Variants in RPS6KA5 observed in about 807,000 individuals in gnomAD.
RPS6KA5 encodes the protein ribosomal protein S6 kinase A5.
In RPS6KA5, 27 loss-of-function variants were observed where a neutral mutation model predicts 85.5. That is an observed-to-expected ratio of 0.32 (90% CI 0.23 to 0.44). RPS6KA5 has a LOEUF of 0.44. RPS6KA5 is among the 20% of genes least tolerant of loss of function. The probability of loss-of-function intolerance (pLI) is 1.00; values close to 1 mark genes in which losing one functional copy is unlikely to be tolerated. For synonymous variants in RPS6KA5, 334 were observed against 348.2 expected (o/e 0.96, Z 0.46); for missense variants, 811 against 980.9 (o/e 0.83, Z 2.31).
intron 4 of RPS6KA5, among the ~76,000 whole-genome samples, chr14:90,944,149 A>G (rs1475032437): frequency 6.6e-6 from 1 of 152,232 alleles, no homozygotes; most frequent in East Asian, 1.9e-4. Context: ...TATAACAAAT[A>G]ATCTATCCAA....
chr14:91,033,294 T>C (rs1461954301), intron 1 of RPS6KA5, among the ~76,000 whole-genome samples: 2 of 152,172 alleles, frequency 1.3e-5, no homozygotes, highest in African/African-American at 2.4e-5. Context: ...CCTATCAGAT[T>C]GGAAAAGATT....
intron 2 of RPS6KA5, among the ~76,000 whole-genome samples, chr14:90,998,278 AACTG>A (rs2040622057): frequency 1.3e-5 from 2 of 152,184 alleles, no homozygotes; most frequent in Admixed American, 1.3e-4. Context: ...AATGTTATAA[AACTG>A]ACTGTTATAA....
rs1386011471 is a variant in RPS6KA5 at position 90,859,017 on chromosome 14, G to GA, written c.*13056dup. ...TCAAGAAATCCAGCAAAAAGCAGCA[G>GA]ATGAGAGGCTAACGAGCTGAGCAGC... On this transcript the variant is annotated 3_prime_UTR_variant, in exon 17 of 17. Coordinates refer to ENST00000614987, the MANE Select transcript of RPS6KA5 (RefSeq NM_004755.4). 1.3e-5 allele frequency: 2 copies of GA among 152,266 alleles called. No homozygotes were observed. The highest frequency in any genetic ancestry group is 2.9e-5 in the Non-Finnish European group (2 of 68,104). 9.4% of individuals were successfully genotyped at this position (152,266 alleles called of 1,614,324 possible).
chr14:90,991,994 T>C (rs1472145977), intron 2 of RPS6KA5, among the ~76,000 whole-genome samples: 2 of 152,144 alleles, frequency 1.3e-5, no homozygotes, highest in Non-Finnish European at 2.9e-5. Flanking sequence ...TATATAGAAA[T>C]TAATTCATCA....
chr14:90,868,573 T>C lies in RPS6KA5; in HGVS notation c.*3501A>G, dbSNP rs2032907627. ...TCACATGAACACTCAAATCATGCTA[T>C]TATTATCAGTCACTGGGAGAACAGC... On this transcript the variant is annotated 3_prime_UTR_variant, in exon 17 of 17. Transcript: ENST00000614987. 1 of 152,196 alleles carries C rather than the reference T, an allele frequency of 6.6e-6. No homozygotes were observed. The highest frequency in any genetic ancestry group is 6.5e-5 in the Admixed American group (1 of 15,270). 9.4% of individuals were successfully genotyped at this position (152,196 alleles called of 1,614,324 possible). A position where few individuals can be genotyped will look rare whatever the true frequency, so the allele number is the denominator to read the frequency against.
intron 1 of RPS6KA5, among the ~76,000 whole-genome samples, chr14:91,050,389 A>G (rs1217966068): frequency 3.3e-5 from 5 of 152,034 alleles, no homozygotes; most frequent in Non-Finnish European, 7.4e-5. Flanking sequence ...AAAAATAACA[A>G]AAACAAAAAC....
chr14:91,008,027 T>C (rs1206718308), intron 1 of RPS6KA5, among the ~76,000 whole-genome samples: 2 of 152,238 alleles, frequency 1.3e-5, no homozygotes, highest in Non-Finnish European at 2.9e-5. Context: ...CTATTGTAAG[T>C]ATAATTTGTA....
chr14:90,849,357 G>A lies in RPS6KA5; in HGVS notation c.*22717C>T, dbSNP rs2031873958. On this transcript the variant is annotated 3_prime_UTR_variant, in exon 17 of 17. Coordinates refer to ENST00000614987, the MANE Select transcript of RPS6KA5 (RefSeq NM_004755.4). ...GACAAAAGTTTTTTAAGAGGGCACG[G>A]ACTCCGGATCTTTTATCTTATGAAT... 4 of 152,238 alleles carry A rather than the reference G, an allele frequency of 2.6e-5. No individual in the cohort carries two copies. The highest frequency in any genetic ancestry group is 2.6e-4 in the Admixed American group (4 of 15,288). 9.4% of individuals were successfully genotyped at this position (152,238 alleles called of 1,614,324 possible). A position where few individuals can be genotyped will look rare whatever the true frequency, so the allele number is the denominator to read the frequency against.
intron 2 of RPS6KA5, among the ~76,000 whole-genome samples, chr14:90,985,033 T>C (rs1187054540): frequency 6.6e-6 from 1 of 152,102 alleles, no homozygotes; most frequent in Non-Finnish European, 1.5e-5. Flanking sequence ...CTCCACCTTC[T>C]GGGTTCAAGC....
intron 1 of RPS6KA5, among the ~76,000 whole-genome samples, chr14:91,031,192 T>A (rs181805515): frequency 6.6e-6 from 1 of 152,156 alleles, no homozygotes; most frequent in Non-Finnish European, 1.5e-5. Flanking sequence ...ATCAGCATCA[T>A]TAGAAGCTAG....
At chr14:90,969,897 T>C (rs1363716319) in intron 3 of RPS6KA5, among the ~76,000 whole-genome samples, 1 of 152,146 alleles carries the variant, frequency 6.6e-6, no homozygotes, top group Non-Finnish European at 1.5e-5. Context: ...GTCTTCTTTT[T>C]ATTTTTTTTC....
chr14:90,941,110 G>A (rs937928124), intron 5 of RPS6KA5, among the ~76,000 whole-genome samples: 2 of 152,036 alleles, frequency 1.3e-5, no homozygotes, highest in Non-Finnish European at 2.9e-5. Context: ...TACAAACCAA[G>A]GACCCCTTTG....
intron 1 of RPS6KA5, among the ~76,000 whole-genome samples, chr14:91,037,038 G>C (rs1330177662): frequency 1.3e-5 from 2 of 152,206 alleles, no homozygotes; most frequent in Non-Finnish European, 2.9e-5. Flanking sequence ...ACAGAATACA[G>C]CTTGAATCCC....
chr14:91,059,851 G>T (rs1375707321), intron 1 of RPS6KA5, among the ~76,000 whole-genome samples: 1 of 152,228 alleles, frequency 6.6e-6, no homozygotes, highest in African/African-American at 2.4e-5. Context: ...TCTCCTACAG[G>T]ACCCCAGCAC....
chr14:90,912,260 T>C (rs542115381), intron 7 of RPS6KA5, among the ~76,000 whole-genome samples: 11 of 152,342 alleles, frequency 7.2e-5, no homozygotes, highest in African/African-American at 2.6e-4. Context: ...AAAGAATTAT[T>C]CAACAAATAG....
chr14:91,056,504 G>A (rs1396291057), intron 1 of RPS6KA5, among the ~76,000 whole-genome samples: 1 of 152,146 alleles, frequency 6.6e-6, no homozygotes, highest in East Asian at 1.9e-4. Context: ...TCCCATGTGG[G>A]AAAAGTGGCA....
chr14:90,903,108 A>T, intron 8 of RPS6KA5, 139 bp from the exon 9 acceptor site: 1 of 749,956 alleles, frequency 1.3e-6, no homozygotes, highest in East Asian at 2.7e-5. Flanking sequence ...CAATAATAAA[A>T]AACATATTTT....
At chr14:90,959,724 C>T (rs1432681008) in intron 3 of RPS6KA5, among the ~76,000 whole-genome samples, 2 of 152,180 alleles carry the variant, frequency 1.3e-5, no homozygotes, top group African/African-American at 4.8e-5. Flanking sequence ...GGTGAAAGCG[C>T]TTCGTGCTAA....
intron 1 of RPS6KA5, among the ~76,000 whole-genome samples, chr14:91,006,915 T>G (rs949402047): frequency 6.6e-6 from 1 of 151,990 alleles, no homozygotes; most frequent in Non-Finnish European, 1.5e-5. Context: ...GGTCTCAAGA[T>G]TATAATTAGA....
Sources: allele counts gnomAD v4.1 joint callset (sites outside exome capture counted in the v4.1 genomes callset), GRCh38; gene constraint gnomAD v4.1.1; transcripts MANE v1.5; gene names NCBI Gene and HGNC (gene_info 2026-07-23, HGNC 2026-07-21).